The following OSBPL9 variants were observed in gnomAD, a reference collection of about 807,000 sequenced individuals.
The protein encoded by OSBPL9 is oxysterol-binding protein-related protein 9.
A neutral mutation model predicts 106.6 loss-of-function variants in OSBPL9; 40 were observed. The observed-to-expected ratio is 0.38, with a 90% CI of 0.29 to 0.49. The LOEUF is 0.49. Ranked by LOEUF, OSBPL9 falls within the 20% of genes least tolerant of loss-of-function variation. The pLI is 0.97. For missense variants in OSBPL9, 609 were observed against 887.2 expected, an observed-to-expected ratio of 0.69 and a Z score of 3.98; for synonymous variants, 269 against 295.4, an observed-to-expected ratio of 0.91 and a Z score of 0.92.
chr1:51,622,413 T>C (rs1644496499), intron 1 of OSBPL9, among the ~76,000 whole-genome samples: 1 of 152,226 alleles, frequency 6.6e-6, no homozygotes, highest in African/African-American at 2.4e-5. Flanking sequence ...GATTTAGTTA[T>C]CTATTGCGTT....
At chr1:51,677,857 C>A (rs957748457) in intron 3 of OSBPL9, among the ~76,000 whole-genome samples, 1 of 151,982 alleles carries the variant, frequency 6.6e-6, no homozygotes, top group African/African-American at 2.4e-5. Flanking sequence ...CTACAGAGAA[C>A]ATTTTTTAAG....
At chr1:51,573,910 A>C, upstream of OSBPL9, 1 of 152,132 alleles carries the variant, frequency 6.6e-6, no homozygotes, top group East Asian at 1.9e-4. Flanking sequence ...TAGTATATTA[A>C]TATACAATAA....
upstream of OSBPL9, among the ~76,000 whole-genome samples, chr1:51,576,554 G>A (rs1262364719): frequency 3.9e-5 from 6 of 151,918 alleles, no homozygotes; most frequent in Non-Finnish European, 8.8e-5. Context: ...TTGGGACAGG[G>A]TCTTGCTCTG....
chr1:51,660,788 G>C (rs974985420), intron 2 of OSBPL9, among the ~76,000 whole-genome samples: 3 of 152,208 alleles, frequency 2.0e-5, no homozygotes, highest in Non-Finnish European at 4.4e-5. Context: ...TAGACTGTAT[G>C]TTCCTCCAGG....
At chr1:51,724,112 ATTTTTGT>A (rs2148919545) in intron 4 of OSBPL9, among the ~76,000 whole-genome samples, 1 of 151,514 alleles carries the variant, frequency 6.6e-6, no homozygotes, top group South Asian at 2.1e-4. Context: ...ACGCCTGCTA[ATTTTTGT>A]ATTTTTAGTA....
rs1437121507 is a variant in OSBPL9 at position 51,740,658 on chromosome 1, C to T, written c.319-4878C>T. Among the ~76,000 whole-genome samples, 3 of 152,040 alleles carry T rather than the reference C, an allele frequency of 2.0e-5. No homozygotes were observed. In the East Asian group the frequency reaches 5.8e-4, roughly 29 times the overall value. On this transcript the variant is annotated intron_variant, in intron 4 of 23. Transcript: ENST00000428468. Reference sequence around the variant, plus strand: ...CTATAAGAAAGTACTGCATATAGGACACTTACTCCTTTAAGTTTTCACTGT... The same window carrying T: ...CTATAAGAAAGTACTGCATATAGGATACTTACTCCTTTAAGTTTTCACTGT...
chr1:51,625,123 C>T (rs1194700387), intron 1 of OSBPL9, among the ~76,000 whole-genome samples: 2 of 152,160 alleles, frequency 1.3e-5, no homozygotes, highest in African/African-American at 4.8e-5. Flanking sequence ...TTTGTTTAGT[C>T]ATCCAGAGCC....
intron 1 of OSBPL9, among the ~76,000 whole-genome samples, chr1:51,581,374 TG>T (rs1645220698): frequency 1.3e-5 from 2 of 152,214 alleles, no homozygotes; most frequent in African/African-American, 4.8e-5. Flanking sequence ...TCACTGATGG[TG>T]TTAACACCAA....
chr1:51,526,144 TG>T, the OSBPL9 span, among the ~76,000 whole-genome samples: 1 of 152,366 alleles, frequency 6.6e-6, no homozygotes, highest in South Asian at 2.1e-4. Context: ...CCCAAAACGC[TG>T]GGATTACAGG....
chr1:51,682,033 C>G (rs1652668262), intron 3 of OSBPL9, among the ~76,000 whole-genome samples: 1 of 152,040 alleles, frequency 6.6e-6, no homozygotes, highest in Non-Finnish European at 1.5e-5. Flanking sequence ...AAAACCCTGT[C>G]TCTACCAAAA....
chr1:51,667,469 G>A (rs1439898425), intron 2 of OSBPL9, among the ~76,000 whole-genome samples: 4 of 152,078 alleles, frequency 2.6e-5, no homozygotes, highest in African/African-American at 9.7e-5. Context: ...CATGTAACAT[G>A]TGATCCTTAG....
intron 2 of OSBPL9, among the ~76,000 whole-genome samples, chr1:51,659,056 A>G (rs1458131304): frequency 2.0e-5 from 3 of 152,140 alleles, no homozygotes; most frequent in Admixed American, 2.0e-4. Context: ...TGTTTATACT[A>G]TTTCATAATT....
the OSBPL9 span, among the ~76,000 whole-genome samples, chr1:51,568,851 T>C: frequency 6.6e-6 from 1 of 152,218 alleles, no homozygotes; most frequent in South Asian, 2.1e-4. Context: ...TGCCTGGTAT[T>C]ACAGGTGCTA....
intron 2 of OSBPL9, among the ~76,000 whole-genome samples, chr1:51,659,387 C>T (rs1647001756): frequency 6.6e-6 from 1 of 151,922 alleles, no homozygotes; most frequent in Admixed American, 6.6e-5. Flanking sequence ...AATGAGAAAA[C>T]CACATGTTAA....
intron 1 of OSBPL9, among the ~76,000 whole-genome samples, chr1:51,585,973 G>A (rs1645245432): frequency 6.6e-6 from 1 of 151,724 alleles, no homozygotes; most frequent in Non-Finnish European, 1.5e-5. Flanking sequence ...AGGAGTTTAA[G>A]GCCAGCCTGG....
At chr1:51,617,886 T>G (rs1480900950) in intron 1 of OSBPL9, among the ~76,000 whole-genome samples, 1 of 152,062 alleles carries the variant, frequency 6.6e-6, no homozygotes, top group Non-Finnish European at 1.5e-5. Context: ...GAGAGACAAG[T>G]GATAGTGCAG....
At chr1:51,624,103 G>A (rs1644614751) in intron 1 of OSBPL9, among the ~76,000 whole-genome samples, 1 of 151,648 alleles carries the variant, frequency 6.6e-6, no homozygotes, top group Non-Finnish European at 1.5e-5. Flanking sequence ...TTTTAGTAGA[G>A]ACGAGGTTTC....
chr1:51,667,155 A>C (rs1195066961), intron 2 of OSBPL9, among the ~76,000 whole-genome samples: 1 of 152,206 alleles, frequency 6.6e-6, no homozygotes, highest in African/African-American at 2.4e-5. Context: ...TTAATTAAGG[A>C]ACTCAAGAGA....
upstream of OSBPL9, chr1:51,617,017 A>G (rs770859085): frequency 1.0e-4 from 146 of 1,405,276 alleles, no homozygotes; most frequent in Non-Finnish European, 1.3e-4. Flanking sequence ...CCCGCCCAGG[A>G]CCCGCCCCGC....
Sources: gnomAD v4.1 joint callset for allele counts (sites outside exome capture counted in the v4.1 genomes callset) on GRCh38, gnomAD v4.1.1 for gene constraint, MANE v1.5 for transcripts, NCBI Gene and HGNC (gene_info 2026-07-23, HGNC 2026-07-21) for gene names.